The following ZSCAN23 variants were observed in gnomAD, a reference collection of about 807,000 sequenced individuals.
ZSCAN23 encodes zinc finger and SCAN domain containing 23.
ZSCAN23 carries 19 observed loss-of-function variants against 19.3 expected under a neutral mutation model. The observed-to-expected ratio is 0.99, with a 90% CI of 0.69 to 1.45. The LOEUF (loss-of-function observed/expected upper bound fraction) is 1.45. Among genes scored for constraint, ZSCAN23 ranks in the 40% most tolerant of loss-of-function variants. The pLI, the probability that ZSCAN23 is intolerant of heterozygous loss-of-function variation, is 0.00. For synonymous variants in ZSCAN23, 140 were observed against 166.2 expected, an observed-to-expected ratio of 0.84 and a Z score of 1.21; for missense variants, 372 against 462.5, an observed-to-expected ratio of 0.80 and a Z score of 1.79.
At chr6:28,425,603 C>T in the ZSCAN23 span, among the ~76,000 whole-genome samples, 1 of 152,190 alleles carries the variant, frequency 6.6e-6, no homozygotes, top group African/African-American at 2.4e-5. Flanking sequence ...GCTAGGATTA[C>T]AGCATGCCCA....
chr6:28,431,078 T>C (rs141584461), downstream of ZSCAN23, among the ~76,000 whole-genome samples: 362 of 145,174 alleles, frequency 2.5e-3, 2 homozygotes, highest in Middle Eastern at 0.018. Flanking sequence ...ATGTTAACAA[T>C]GGGTTTGTCT....
At position 28,435,505 on chromosome 6, in the gene ZSCAN23, G is replaced by T. The variant is rs1411930695; in HGVS notation, c.511C>A (p.Gln171Lys). Residue 171 changes from glutamine (Q) to lysine (K), a missense_variant, in exon 3 of 4, where the codon CAA becomes AAA. Gln to Lys is a moderately conservative substitution (Grantham distance 53, BLOSUM62 1). Coordinates refer to ENST00000289788, the MANE Select transcript of ZSCAN23 (RefSeq NM_001012455.2). ...ACCTCTCGCAAATTATACCCAAGTT[G>T]CTCTTCCAAGGTTTGGAATTGGTCA... The part of the protein sequence containing the change: ...SNDQFQTLEE[Q>K]LGYNLREVCP... The T allele has an allele frequency of 1.1e-5, 17 of 1,551,914 alleles. No individual in the cohort carries two copies. The highest frequency in any genetic ancestry group is 1.5e-5 in the Non-Finnish European group (17 of 1,147,042).
the ZSCAN23 span, among the ~76,000 whole-genome samples, chr6:28,423,996 A>C: frequency 6.6e-6 from 1 of 152,236 alleles, no homozygotes; most frequent in African/African-American, 2.4e-5. Flanking sequence ...ATTCAGTGAA[A>C]TATTCAGATG....
intron 1 of ZSCAN23, among the ~76,000 whole-genome samples, chr6:28,442,854 G>T (rs956114956): frequency 4.6e-5 from 7 of 152,150 alleles, no homozygotes; most frequent in Admixed American, 2.0e-4. Flanking sequence ...CATAATAATA[G>T]TGTCTATCTC....
chr6:28,443,182 C>G (rs1762037521), intron 1 of ZSCAN23, among the ~76,000 whole-genome samples: 1 of 152,146 alleles, frequency 6.6e-6, no homozygotes, highest in Non-Finnish European at 1.5e-5. Flanking sequence ...AGCTCAGGAA[C>G]AGACATAGGG....
chr6:28,435,725 G>A (rs918542106), intron 2 of ZSCAN23, 118 bp from the exon 3 acceptor site: 1 of 1,426,486 alleles, frequency 7.0e-7, no homozygotes, highest in Non-Finnish European at 9.3e-7. Flanking sequence ...AAAAACAGAG[G>A]CAGAGAGACT....
downstream of ZSCAN23, among the ~76,000 whole-genome samples, chr6:28,430,415 C>G (rs1350027514): frequency 6.6e-6 from 1 of 152,180 alleles, no homozygotes; most frequent in Admixed American, 6.5e-5. Context: ...CTGGTATTAT[C>G]TGTACCACAC....
chr6:28,423,247 C>T, the ZSCAN23 span, among the ~76,000 whole-genome samples: 1 of 152,210 alleles, frequency 6.6e-6, no homozygotes, highest in African/African-American at 2.4e-5. Context: ...AAAAAAAACT[C>T]ACCAAACTAG....
At chr6:28,442,156 C>T (rs1762015252) in intron 1 of ZSCAN23, among the ~76,000 whole-genome samples, 2 of 152,098 alleles carry the variant, frequency 1.3e-5, no homozygotes, top group South Asian at 4.1e-4. Context: ...GGATTACAGG[C>T]ATGAACCATA....
At chr6:28,441,874 A>ATTTC in intron 1 of ZSCAN23, among the ~76,000 whole-genome samples, 1 of 130,950 alleles carries the variant, frequency 7.6e-6, no homozygotes, top group Admixed American at 8.1e-5. Flanking sequence ...CTGGTTGTTA[A>ATTTC]TTTTTTTTTT....
intron 1 of ZSCAN23, among the ~76,000 whole-genome samples, chr6:28,436,577 G>A (rs934173043): frequency 1.3e-5 from 2 of 152,244 alleles, no homozygotes; most frequent in South Asian, 2.1e-4. Flanking sequence ...CATCCTGACC[G>A]AAACAGCTCA....
chr6:28,428,007 C>T (rs888506270), downstream of ZSCAN23, among the ~76,000 whole-genome samples: 7 of 152,076 alleles, frequency 4.6e-5, no homozygotes, highest in African/African-American at 7.2e-5. Flanking sequence ...ACCCAGGAGG[C>T]GGAGGTTGTG....
chr6:28,431,280 C>T (rs1761757657), downstream of ZSCAN23, among the ~76,000 whole-genome samples: 1 of 152,072 alleles, frequency 6.6e-6, no homozygotes, highest in Non-Finnish European at 1.5e-5. Context: ...CTTTCTGATT[C>T]TCTGTCTTTT....
chr6:28,434,845 G>A lies in ZSCAN23; in HGVS notation c.790C>T (p.Leu264Phe), dbSNP rs1430428477. The A allele has an allele frequency of 6.3e-7, 1 of 1,584,266 alleles. No individual in the cohort carries two copies. Among genetic ancestry groups the A allele is most frequent in the Admixed American group, 1.8e-5 (1 of 54,714 alleles). ...CGKSFTQNSI[L>F]IEHQRTHTGE... ...GTGTGTGTTCTCTGGTGCTCGATAA[G>A]GATGGAATTCTGGGTGAAGCTTTTT... The change falls in exon 4 of 4, where the codon CTT becomes TTT. Residue 264 changes from leucine to phenylalanine, a missense_variant. Physicochemically the swap from Leu to Phe is conservative, Grantham distance 22. Transcript: ENST00000289788.
intron 1 of ZSCAN23, among the ~76,000 whole-genome samples, chr6:28,440,383 A>G (rs889357978): frequency 6.6e-6 from 1 of 152,036 alleles, no homozygotes. Flanking sequence ...CAAAAGCATA[A>G]CTCTAGCCGC....
chr6:28,427,394 GAAA>G (rs1486243287), downstream of ZSCAN23, among the ~76,000 whole-genome samples: 1 of 152,212 alleles, frequency 6.6e-6, no homozygotes, highest in Non-Finnish European at 1.5e-5. Context: ...TATGTTCTGA[GAAA>G]TGTGTCTTTA....
downstream of ZSCAN23, among the ~76,000 whole-genome samples, chr6:28,430,632 G>C (rs2114028822): frequency 6.6e-6 from 1 of 152,216 alleles, no homozygotes; most frequent in East Asian, 1.9e-4. Flanking sequence ...ATTAGCAGAA[G>C]TCAGGGGTGA....
intron 1 of ZSCAN23, among the ~76,000 whole-genome samples, chr6:28,441,797 GC>G (rs1232288484): frequency 6.6e-6 from 1 of 150,944 alleles, no homozygotes; most frequent in Non-Finnish European, 1.5e-5. Context: ...GTTGATATAA[GC>G]CCATATATTT....
rs1234892028 is a variant in ZSCAN23 at position 28,433,014 on chromosome 6, A to T, written c.*1451T>A. On this transcript the variant is annotated 3_prime_UTR_variant, in exon 4 of 4. Transcript: ENST00000289788. The stretch of plus-strand genomic sequence containing the variant: ...TGAAGAATGAATTATCTTTTTAAAA[A>T]AGTCCTACTGAGTAAATTAAATTTT... 6.6e-6 allele frequency: 1 copy of T among 152,148 alleles called. No homozygotes were observed. The highest frequency in any genetic ancestry group is 2.4e-5 in the African/African-American group (1 of 41,456). 9.4% of individuals were successfully genotyped at this position (152,148 alleles called of 1,614,324 possible).
Sources: gnomAD v4.1 joint callset for allele counts (sites outside exome capture counted in the v4.1 genomes callset) on GRCh38, gnomAD v4.1.1 for gene constraint, MANE v1.5 for transcripts, NCBI Gene and HGNC (gene_info 2026-07-23, HGNC 2026-07-21) for gene names.